Variants in TMEM233 observed in about 807,000 individuals in gnomAD.
TMEM233 encodes dispanin subfamily B member 2.
A neutral mutation model predicts 11.2 loss-of-function variants in TMEM233; 6 were observed. The observed-to-expected ratio is 0.54, with a 90% CI of 0.29 to 1.06. The LOEUF (loss-of-function observed/expected upper bound fraction) is 1.06. Ranked by LOEUF, TMEM233 falls within the 50% of genes least tolerant of loss-of-function variation. The pLI, the probability that TMEM233 is intolerant of heterozygous loss-of-function variation, is 0.08. For synonymous variants in TMEM233, 59 were observed against 55.8 expected (o/e 1.06, Z -0.26); for missense variants, 127 against 144.7 (o/e 0.88, Z 0.63).
At chr12:119,644,015 C>A (rs1208110818), downstream of TMEM233, among the ~76,000 whole-genome samples, 1 of 152,150 alleles carries the variant, frequency 6.6e-6, no homozygotes, top group Non-Finnish European at 1.5e-5. Context: ...CAGCTTTGGA[C>A]TTTTTCCTAC....
chr12:119,602,352 T>C (rs1954185635), intron 1 of TMEM233, among the ~76,000 whole-genome samples: 1 of 152,236 alleles, frequency 6.6e-6, no homozygotes, highest in South Asian at 2.1e-4. Context: ...TGCTGATTCA[T>C]TGGATCTCTC....
chr12:119,603,922 G>A (rs1954216263), intron 1 of TMEM233, among the ~76,000 whole-genome samples: 1 of 152,084 alleles, frequency 6.6e-6, no homozygotes, highest in Non-Finnish European at 1.5e-5. Context: ...AACCTTTTTT[G>A]GAAAATATCC....
intron 1 of TMEM233, among the ~76,000 whole-genome samples, chr12:119,625,207 C>A (rs982640740): frequency 1.3e-5 from 2 of 152,184 alleles, no homozygotes; most frequent in Non-Finnish European, 2.9e-5. Flanking sequence ...CTGGGTATTT[C>A]TCTGGCTTGT....
chr12:119,605,054 A>T (rs979344141), intron 1 of TMEM233, among the ~76,000 whole-genome samples: 5 of 130,436 alleles, frequency 3.8e-5, no homozygotes, highest in African/African-American at 6.0e-5. Context: ...TGTTTCCTTT[A>T]CCCTTTGTAT....
chr12:119,638,137 G>A (rs745603696), intron 2 of TMEM233, among the ~76,000 whole-genome samples: 4 of 152,150 alleles, frequency 2.6e-5, no homozygotes, highest in African/African-American at 9.7e-5. Flanking sequence ...CCCTAGCTAC[G>A]TGTTAGAATC....
chr12:119,594,425 T>G lies in TMEM233; in HGVS notation c.186+391T>G. ...TCTAGAGCCCCAGTGCGCGCCACCC[T>G]AGCGAGCGCAGTAAGCTCATACCCC... On this transcript the variant is annotated intron_variant, in intron 1 of 2. Transcript: ENST00000426426. The surrounding 1 kb of genome is among the most constrained non-coding windows in gnomAD (Gnocchi z 5.6). 2 of 192,836 alleles carry G rather than the reference T, an allele frequency of 1.0e-5. No homozygotes were observed. The highest frequency in any genetic ancestry group is 2.1e-5 in the Non-Finnish European group (2 of 93,558). 11.9% of individuals were successfully genotyped at this position (192,836 alleles called of 1,614,324 possible). A position where few individuals can be genotyped will look rare whatever the true frequency, so the allele number is the denominator to read the frequency against.
In TMEM233 at chr12:119,622,625, G is replaced by T. The variant is rs147081580; in HGVS notation, c.187-7111G>T. Among the ~76,000 whole-genome samples, 7 of 152,260 alleles carry T rather than the reference G, an allele frequency of 4.6e-5. No homozygotes were observed. In the East Asian group the frequency reaches 1.2e-3, roughly 25 times the overall value. On this transcript the variant is annotated intron_variant, in intron 1 of 2. Coordinates refer to ENST00000426426, the MANE Select transcript of TMEM233 (RefSeq NM_001136534.3). ...GTGACATGTTGGGGAAGCAGGGAAA[G>T]AATTCTTTCTGCTTCACTGTTAGTT...
intron 2 of TMEM233, among the ~76,000 whole-genome samples, chr12:119,632,786 A>G (rs939823309): frequency 2.0e-5 from 3 of 152,212 alleles, no homozygotes; most frequent in Non-Finnish European, 4.4e-5. Flanking sequence ...ACCAATTCAC[A>G]TTACTAAAAC....
intron 1 of TMEM233, among the ~76,000 whole-genome samples, chr12:119,612,907 C>T (rs564599308): frequency 6.6e-6 from 1 of 151,716 alleles, no homozygotes; most frequent in East Asian, 1.9e-4. Flanking sequence ...GTAATGAGAC[C>T]CTGTCAAAAA....
intron 2 of TMEM233, chr12:119,634,088 G>A (rs1445740905): frequency 1.1e-5 from 2 of 177,920 alleles, no homozygotes; most frequent in East Asian, 3.8e-4. Context: ...GGCCATTCAT[G>A]GACTGGTCGG....
intron 1 of TMEM233, among the ~76,000 whole-genome samples, chr12:119,619,029 C>A (rs1026871349): frequency 2.0e-5 from 3 of 152,148 alleles, no homozygotes; most frequent in African/African-American, 7.2e-5. Flanking sequence ...TAGGAAGTAG[C>A]TGAATCATGT....
downstream of TMEM233, among the ~76,000 whole-genome samples, chr12:119,644,298 G>A (rs1201911762): frequency 6.6e-6 from 1 of 152,012 alleles, no homozygotes; most frequent in Admixed American, 6.6e-5. Context: ...TGAGGGTGCG[G>A]GAAGGATGGT....
rs150125441 is a variant in TMEM233, at chr12:119,607,851, G to A, written c.186+13817G>A. ...TTCTCCCACCTCGGCCTCTCAAAGC[G>A]CAGGGATTACAGGCGTGAGCCACCA... On this transcript the variant is annotated intron_variant, in intron 1 of 2. Transcript: ENST00000426426. Among the ~76,000 whole-genome samples the A allele has an allele frequency of 2.0e-4, 31 of 152,196 alleles. No individual in the cohort carries two copies. In the East Asian group the frequency reaches 5.2e-3, roughly 26 times the overall value.
the TMEM233 span, among the ~76,000 whole-genome samples, chr12:119,652,529 T>C: frequency 6.6e-6 from 1 of 152,190 alleles, no homozygotes; most frequent in Non-Finnish European, 1.5e-5. Context: ...CCAGTCTGCA[T>C]AGCACACAGA....
chr12:119,632,768 T>A (rs1954910349), intron 2 of TMEM233, among the ~76,000 whole-genome samples: 1 of 152,204 alleles, frequency 6.6e-6, no homozygotes, highest in Admixed American at 6.5e-5. Context: ...AATTTTTAGA[T>A]GTTGACAACC....
chr12:119,648,717 C>G, the TMEM233 span, among the ~76,000 whole-genome samples: 3 of 152,152 alleles, frequency 2.0e-5, no homozygotes, highest in Non-Finnish European at 4.4e-5. Flanking sequence ...TGGTACCTGG[C>G]ACATAAGTTT....
At chr12:119,604,982 C>G (rs1954240156) in intron 1 of TMEM233, among the ~76,000 whole-genome samples, 2 of 140,814 alleles carry the variant, frequency 1.4e-5, no homozygotes, top group African/African-American at 5.5e-5. Flanking sequence ...TGCTAATTTC[C>G]TTCTTCCCTC....
At chr12:119,651,440 C>T in the TMEM233 span, among the ~76,000 whole-genome samples, 1 of 152,106 alleles carries the variant, frequency 6.6e-6, no homozygotes, top group African/African-American at 2.4e-5. Context: ...TTCCTGAACC[C>T]AGTGCTCCAG....
At chr12:119,599,229 A>G (rs529352946) in intron 1 of TMEM233, among the ~76,000 whole-genome samples, 30 of 152,346 alleles carry the variant, frequency 2.0e-4, no homozygotes, top group African/African-American at 6.3e-4. Context: ...TGGTAGCACA[A>G]TAGGGTGACT....
Sources: allele counts gnomAD v4.1 joint callset (sites outside exome capture counted in the v4.1 genomes callset), GRCh38; gene constraint gnomAD v4.1.1; non-coding constraint Gnocchi (gnomAD v3.1); transcripts MANE v1.5; gene names NCBI Gene and HGNC (gene_info 2026-07-23, HGNC 2026-07-21).